Variants in KIRREL3 observed in about 807,000 individuals in gnomAD.
KIRREL3 encodes kin of IRRE-like protein 3.
In KIRREL3, 36 loss-of-function variants were observed where a neutral mutation model predicts 89.7. The ratio of observed to expected loss-of-function variants is 0.40; its 90% CI spans 0.31 to 0.53. The LOEUF is 0.53. KIRREL3 is among the 20% of genes least tolerant of loss of function. KIRREL3 has a pLI of 0.49. For missense variants in KIRREL3, 864 were observed against 1,056.6 expected (o/e 0.82, Z 2.53); for synonymous variants, 445 against 441.4 (o/e 1.01, Z -0.10).
rs1263105883 is a variant in KIRREL3 at position 126,999,977 on chromosome 11, T to C, written c.55+478A>G. Among the ~76,000 whole-genome samples, 1 of 151,968 alleles carries C rather than the reference T, an allele frequency of 6.6e-6. No individual in the cohort carries two copies. On this transcript the variant is annotated intron_variant, in intron 1 of 16. Transcript: ENST00000525144. The surrounding 1 kb of genome is among the most constrained non-coding windows in gnomAD (Gnocchi z 5.7). ...GTAATTGCAACCCCCTTTTCAACGG[T>C]GCAAACCACACACATTCGCTTTTGA...
chr11:126,890,746 G>A lies in KIRREL3; in HGVS notation c.55+109709C>T, dbSNP rs1475793253. On this transcript the variant is annotated intron_variant, in intron 1 of 16. Coordinates refer to ENST00000525144, the MANE Select transcript of KIRREL3 (RefSeq NM_032531.4). This position sits in a 1 kb window ranked among gnomAD's most constrained non-coding sequence, Gnocchi z 5.1. ...CACTAGGGTGAGTGAGAGAGTAGAC[G>A]ACTGCAAACATGAGCGTCCCCCAGT... Among the ~76,000 whole-genome samples, 3 of 152,186 alleles carry A rather than the reference G, an allele frequency of 2.0e-5. No homozygotes were observed. The highest frequency in any genetic ancestry group is 4.4e-5 in the Non-Finnish European group (3 of 68,042).
chr11:126,646,139 A>T (rs1944658339), intron 1 of KIRREL3, among the ~76,000 whole-genome samples: 1 of 151,994 alleles, frequency 6.6e-6, no homozygotes, highest in African/African-American at 2.4e-5. Flanking sequence ...GGTCAGCATT[A>T]GCATCTGCAG....
At chr11:126,854,148 G>GTA (rs1944433704) in intron 1 of KIRREL3, among the ~76,000 whole-genome samples, 1 of 151,168 alleles carries the variant, frequency 6.6e-6, no homozygotes, top group African/African-American at 2.4e-5. Context: ...GTGTGTGTGT[G>GTA]TGTGTGTGTG....
At chr11:126,971,489 C>T (rs1292662544) in intron 1 of KIRREL3, among the ~76,000 whole-genome samples, 5 of 152,084 alleles carry the variant, frequency 3.3e-5, no homozygotes, top group African/African-American at 1.2e-4. Context: ...TGTCATTTGA[C>T]CTTTGGCATC....
chr11:126,913,108 G>C (rs952963870), intron 1 of KIRREL3, among the ~76,000 whole-genome samples: 8 of 152,212 alleles, frequency 5.3e-5, no homozygotes, highest in Non-Finnish European at 1.5e-5. Flanking sequence ...TGTAACACCT[G>C]GAGCTGAGGC....
At chr11:126,695,733 G>T (rs1302896865) in intron 1 of KIRREL3, among the ~76,000 whole-genome samples, 3 of 152,182 alleles carry the variant, frequency 2.0e-5, no homozygotes, top group Non-Finnish European at 4.4e-5. Flanking sequence ...AGAAGGAGCT[G>T]GGACAGAGCT....
At position 126,471,898 on chromosome 11, in the gene KIRREL3, GGTATC is replaced by G. The variant is rs1355882671; in HGVS notation, c.591+1406_591+1410del. ...CCAGTTCAGGGTGCTTCCAGCCCTTGGTATCGTGTGTGAATTAGAGACCAGAACCC... is the reference window on the plus strand; with the variant it reads ...CCAGTTCAGGGTGCTTCCAGCCCTTGGTGTGTGAATTAGAGACCAGAACCC... On this transcript the variant is annotated intron_variant, in intron 5 of 16. Transcript: ENST00000525144. This position sits in a 1 kb window ranked among gnomAD's most constrained non-coding sequence, Gnocchi z 5.4. 6.6e-6 allele frequency among the ~76,000 whole-genome samples: 1 copy of G among 152,300 alleles called. No homozygotes were observed. Among genetic ancestry groups the G allele is most frequent in the Non-Finnish European group, 1.5e-5 (1 of 68,024 alleles).
intron 1 of KIRREL3, among the ~76,000 whole-genome samples, chr11:126,998,308 T>A (rs902361255): frequency 6.6e-6 from 1 of 152,220 alleles, no homozygotes; most frequent in Non-Finnish European, 1.5e-5. Flanking sequence ...TCCCACTTGA[T>A]GGCTGGACCC....
At chr11:126,727,547 C>A (rs989728433) in intron 1 of KIRREL3, among the ~76,000 whole-genome samples, 1 of 152,200 alleles carries the variant, frequency 6.6e-6, no homozygotes, top group African/African-American at 2.4e-5. Flanking sequence ...CAGCTGTACC[C>A]TGCACCCTGC....
rs1293449448 is a variant in KIRREL3 at position 126,684,080 on chromosome 11, AC to A, written c.56-121169del. On this transcript the variant is annotated intron_variant, in intron 1 of 16. Coordinates refer to ENST00000525144, the MANE Select transcript of KIRREL3 (RefSeq NM_032531.4). The surrounding 1 kb of genome is among the most constrained non-coding windows in gnomAD (Gnocchi z 4.2). Reference sequence around the variant, plus strand: ...ATCTGCTGACAGCCGCGACCCTGCCACCTGCTCAGTGGGATGGCATCTTGGG... The same window carrying A: ...ATCTGCTGACAGCCGCGACCCTGCCACTGCTCAGTGGGATGGCATCTTGGG... 6.6e-6 allele frequency among the ~76,000 whole-genome samples: 1 copy of A among 152,160 alleles called. No homozygotes were observed. The highest frequency in any genetic ancestry group is 1.9e-4 in the East Asian group (1 of 5,174).
chr11:126,580,147 C>T (rs1386008642), intron 1 of KIRREL3, among the ~76,000 whole-genome samples: 1 of 152,156 alleles, frequency 6.6e-6, no homozygotes, highest in African/African-American at 2.4e-5. Context: ...ACCTGGCCCC[C>T]AGTCATCTTT....
At chr11:126,846,957 C>T (rs984923491) in intron 1 of KIRREL3, among the ~76,000 whole-genome samples, 1 of 125,492 alleles carries the variant, frequency 8.0e-6, no homozygotes, top group Non-Finnish European at 1.6e-5. Flanking sequence ...TGAATAAAAG[C>T]ATAATGAGTT....
rs1345494147 is a variant in KIRREL3, at chr11:126,750,856, C to T, written c.56-187944G>A. 6.6e-6 allele frequency among the ~76,000 whole-genome samples: 1 copy of T among 152,176 alleles called. No individual in the cohort carries two copies. The highest frequency in any genetic ancestry group is 1.5e-5 in the Non-Finnish European group (1 of 68,032). Reference sequence around the variant, plus strand: ...TATATTCTTTCCATTTTCATGAGTACTAATAAAACACATGATAGTTATCAC... The same window carrying T: ...TATATTCTTTCCATTTTCATGAGTATTAATAAAACACATGATAGTTATCAC... On this transcript the variant is annotated intron_variant, in intron 1 of 16. Transcript: ENST00000525144. The surrounding 1 kb of genome is among the most constrained non-coding windows in gnomAD (Gnocchi z 4.2).
intron 1 of KIRREL3, among the ~76,000 whole-genome samples, chr11:126,850,234 T>C (rs1240276099): frequency 2.0e-5 from 3 of 152,336 alleles, no homozygotes; most frequent in Non-Finnish European, 4.4e-5. Context: ...TTGAGCACCA[T>C]GACCACCCTA....
intron 1 of KIRREL3, among the ~76,000 whole-genome samples, chr11:126,852,119 T>A (rs11602783): frequency 2.0e-5 from 3 of 148,352 alleles, no homozygotes; most frequent in Non-Finnish European, 4.4e-5. Context: ...AGTGGTGCGA[T>A]CTCGGCTCAC....
intron 1 of KIRREL3, among the ~76,000 whole-genome samples, chr11:126,882,518 G>A (rs1945542840): frequency 8.8e-6 from 1 of 113,260 alleles, no homozygotes. Flanking sequence ...GAAACGCTCT[G>A]GCTCCTGGTA....
At position 126,431,626 on chromosome 11, in the gene KIRREL3, G is replaced by A. The variant is rs571343012; in HGVS notation, c.1589-100C>T. On this transcript the variant is annotated intron_variant, in intron 13 of 16. Transcript: ENST00000525144. This position sits in a 1 kb window ranked among gnomAD's most constrained non-coding sequence, Gnocchi z 7.1. ...CCTGCGGGGGCAGCCCCTGCCACAT[G>A]GGGCCCTCCTGGGAAATGCCTCAGT... is the stretch of plus-strand genomic sequence containing the variant. The A allele has an allele frequency of 8.3e-6, 10 of 1,209,948 alleles. No individual in the cohort carries two copies. The Admixed American group carries it at 1.0e-4, about 12-fold the overall frequency. The allele number at this position is 1,209,948 out of a possible 1,614,324, so 75.0% of individuals were successfully genotyped here.
At position 126,579,862 on chromosome 11, in the gene KIRREL3, T is replaced by TC. The variant is rs1274264908; in HGVS notation, c.56-16951_56-16950insG. Among the ~76,000 whole-genome samples the TC allele has an allele frequency of 2.0e-5, 3 of 151,426 alleles. No individual in the cohort carries two copies. Among genetic ancestry groups the TC allele is most frequent in the South Asian group, 2.1e-4 (1 of 4,764 alleles). ...GAGGGAGCCAAGTCATTTTTTTTTTTTGAGGCAGAGTCTTGCTCTGTCACC... is the reference window on the plus strand; with the variant it reads ...GAGGGAGCCAAGTCATTTTTTTTTTTCTGAGGCAGAGTCTTGCTCTGTCACC... On this transcript the variant is annotated intron_variant, in intron 1 of 16. Coordinates refer to ENST00000525144, the MANE Select transcript of KIRREL3 (RefSeq NM_032531.4). This position sits in a 1 kb window ranked among gnomAD's most constrained non-coding sequence, Gnocchi z 5.3.
intron 1 of KIRREL3, among the ~76,000 whole-genome samples, chr11:126,874,419 T>C (rs1945204478): frequency 6.6e-6 from 1 of 152,238 alleles, no homozygotes; most frequent in African/African-American, 2.4e-5. Flanking sequence ...AATTAGAAGC[T>C]TGAATCATGA....
Sources: allele counts gnomAD v4.1 joint callset (sites outside exome capture counted in the v4.1 genomes callset), GRCh38; gene constraint gnomAD v4.1.1; non-coding constraint Gnocchi (gnomAD v3.1); transcripts MANE v1.5; gene names NCBI Gene and HGNC (gene_info 2026-07-23, HGNC 2026-07-21).